Variants in TRIM47 observed in about 807,000 individuals in gnomAD.
TRIM47 encodes the protein tripartite motif containing 47, also known as E3 ubiquitin-protein ligase TRIM47.
A neutral mutation model predicts 54.4 loss-of-function variants in TRIM47; 46 were observed. The observed-to-expected ratio is 0.84, with a 90% confidence interval of 0.67 to 1.08. The LOEUF (loss-of-function observed/expected upper bound fraction) is 1.08. TRIM47 is among the 50% of genes least tolerant of loss of function. The pLI is 0.00. For missense variants in TRIM47, 825 were observed against 910.1 expected (o/e 0.91, Z 1.20); for synonymous variants, 392 against 410.2 (o/e 0.96, Z 0.54).
Position 75,875,141 on chromosome 17 carries a change from A to G in TRIM47, c.1277-18T>C, listed in dbSNP as rs201368471. 1.0e-3 allele frequency: 1,641 copies of G among 1,570,744 alleles called. 16 individuals are homozygous for G. The Middle Eastern group carries it at 0.027, about 26-fold the overall frequency. On this transcript the variant is annotated intron_variant, in intron 5 of 5. Transcript: ENST00000254816. The surrounding 1 kb of genome is among the most constrained non-coding windows in gnomAD (Gnocchi z 6.1). ...ATAGGCAACTGATCCCGTGGACAGA[A>G]GAGAGAGGCAGGGCTCAGGGCCAGG...
At position 75,875,867 on chromosome 17, in the gene TRIM47, G is replaced by A. The variant is rs754316774; in HGVS notation, c.1201+34C>T. 5 of 1,599,648 alleles carry A rather than the reference G, an allele frequency of 3.1e-6. No homozygotes were observed. Among genetic ancestry groups the A allele is most frequent in the Non-Finnish European group, 3.4e-6 (4 of 1,174,132 alleles). On this transcript the variant is annotated intron_variant, in intron 4 of 5. Coordinates refer to ENST00000254816, the MANE Select transcript of TRIM47 (RefSeq NM_033452.3). This position sits in a 1 kb window ranked among gnomAD's most constrained non-coding sequence, Gnocchi z 6.1. ...GGCCTGTGCGAGAGGCTGGCAGAGG[G>A]TGAGTCATCGGGGGGGCGTGGGGCG...
At position 75,876,769 on chromosome 17, in the gene TRIM47, G is replaced by A. The variant is rs145647571; in HGVS notation, c.720C>T (p.Asp240=). The change falls in exon 2 of 6, where the codon GAC becomes GAT. Residue 240 remains aspartate (D), a synonymous_variant. Transcript: ENST00000254816. ...KVLSAVEDRM[D]ELGAGIAQSR... ...ACTGTGCAATGCCAGCACCCAGCTC[G>A]TCCATGCGGTCCTCCACGGCGCTCA... is the stretch of plus-strand genomic sequence containing the variant. 5.7e-4 allele frequency: 924 copies of A among 1,614,180 alleles called. 7 individuals carry two copies. In the African/African-American group the frequency reaches 9.8e-3, roughly 17 times the overall value.
Position 75,876,088 on chromosome 17 carries a change from T to A in TRIM47, c.1014A>T (p.Ala338=). 1 of 1,600,872 alleles carries A rather than the reference T, an allele frequency of 6.2e-7. No individual in the cohort carries two copies. The highest frequency in any genetic ancestry group is 8.5e-7 in the Non-Finnish European group (1 of 1,179,874). ...ACCCATCCTCCAGGGCCAGCCTTAG[T>A]GCCAGCAGCTCCTGTGCCAGACAAA... ...DSVSFLQELL[A]LRLALEDGCG... The change falls in exon 4 of 6, where the codon GCA becomes GCT. Residue 338 remains alanine (A), a synonymous_variant. Coordinates refer to ENST00000254816, the MANE Select transcript of TRIM47 (RefSeq NM_033452.3).
chr17:75,875,550 C>T lies in TRIM47; in HGVS notation c.1202-76G>A. ...AACCTGTGACTACAATCCCTACCCC[C>T]TTCACTTCCTCCCAGAGTCCAGAGC... On this transcript the variant is annotated intron_variant, in intron 4 of 5. Transcript: ENST00000254816. This position sits in a 1 kb window ranked among gnomAD's most constrained non-coding sequence, Gnocchi z 6.1. 1.5e-6 allele frequency: 2 copies of T among 1,345,496 alleles called. No homozygotes were observed. The highest frequency in any genetic ancestry group is 2.9e-5 in the African/African-American group (2 of 69,582). 83.3% of individuals were successfully genotyped at this position (1,345,496 alleles called of 1,614,324 possible). A position where few individuals can be genotyped will look rare whatever the true frequency, so the allele number is the denominator to read the frequency against.
Position 75,875,090 on chromosome 17 carries a change from G to A in TRIM47, c.1310C>T (p.Ala437Val), listed in dbSNP as rs930521522. The A allele has an allele frequency of 6.9e-6, 11 of 1,605,286 alleles. No individual in the cohort carries two copies. Among genetic ancestry groups the A allele is most frequent in the Middle Eastern group, 1.7e-4 (1 of 6,058 alleles). The change falls in exon 6 of 6, where the codon GCA (alanine) becomes GTA (valine). Residue 437 changes from alanine to valine, a missense_variant. By Grantham distance (64) the Ala-to-Val change is moderately conservative. Transcript: ENST00000254816. The surrounding 1 kb of genome is among the most constrained non-coding windows in gnomAD (Gnocchi z 6.1). ...TCCAAACAGCTGCAGGAACTTGTCT[G>A]CTGTGTCGCTGTCCAAATCCACAAT... ...AYIVDLDSDT[A>V]DKFLQLFGTK...
At chr17:75,877,069 AGG>A (rs2065140075) in intron 1 of TRIM47, 4 of 527,846 alleles carry the variant, frequency 7.6e-6, no homozygotes, top group Admixed American at 6.2e-5. Context: ...GGCCTAGTAC[AGG>A]GCCGTCCGCT....
At position 75,875,894 on chromosome 17, in the gene TRIM47, T is replaced by C. The variant is rs1198763907; in HGVS notation, c.1201+7A>G. Reference sequence around the variant, plus strand: ...GAGTCATCGGGGGGGCGTGGGGCGGTGCCCACCTTCCGAGTCCAGCTTCTG... The same window carrying C: ...GAGTCATCGGGGGGGCGTGGGGCGGCGCCCACCTTCCGAGTCCAGCTTCTG... On this transcript the variant is annotated splice_region_variant and intron_variant, in intron 4 of 5. Transcript: ENST00000254816. The surrounding 1 kb of genome is among the most constrained non-coding windows in gnomAD (Gnocchi z 6.1). 1 of 1,609,136 alleles carries C rather than the reference T, an allele frequency of 6.2e-7. No homozygotes were observed. The highest frequency in any genetic ancestry group is 8.5e-7 in the Non-Finnish European group (1 of 1,178,966).
In TRIM47 at chr17:75,874,972, G is replaced by A. The variant is rs1218750308; in HGVS notation, c.1428C>T (p.Ala476=). Residue 476 remains alanine (A), a synonymous_variant, in exon 6 of 6, where the codon GCC becomes GCT. Transcript: ENST00000254816. This position sits in a 1 kb window ranked among gnomAD's most constrained non-coding sequence, Gnocchi z 6.2. The part of the protein sequence containing the change: ...THCEQVLGEG[A]LDRGTYYWEV... ...CCCAGTAGTAGGTGCCTCGGTCCAG[G>A]GCACCCTCGCCCAGCACCTGCTCAC... is the stretch of plus-strand genomic sequence containing the variant. 6.2e-7 allele frequency: 1 copy of A among 1,613,964 alleles called. No homozygotes were observed. The highest frequency in any genetic ancestry group is 1.3e-5 in the African/African-American group (1 of 74,894).
At chr17:75,876,581 G>A (rs537924304) in intron 2 of TRIM47, 89 bp from the exon 3 acceptor site, 15 of 1,504,662 alleles carry the variant, frequency 1.0e-5, no homozygotes, top group African/African-American at 1.4e-5. Flanking sequence ...GCTTCCCACC[G>A]GCCCTCTTGA....
rs747511869 is a variant in TRIM47, at chr17:75,876,704, G to A, written c.771+14C>T. 17 of 1,613,706 alleles carry A rather than the reference G, an allele frequency of 1.1e-5. No individual in the cohort carries two copies. The African/African-American group carries it at 2.3e-4, about 22-fold the overall frequency. Reference sequence around the variant, plus strand: ...TGGAGTGGATTGTTCCATGCTGAGGGAGGGGTGTTTGACCTTGATGAGGGC... The same window carrying A: ...TGGAGTGGATTGTTCCATGCTGAGGAAGGGGTGTTTGACCTTGATGAGGGC... On this transcript the variant is annotated intron_variant, in intron 2 of 5. Transcript: ENST00000254816.
chr17:75,877,667 G>C (rs1235220379), intron 1 of TRIM47: 1 of 1,231,762 alleles, frequency 8.1e-7, no homozygotes, highest in African/African-American at 1.6e-5. Context: ...TCCTTGTCCT[G>C]TTCTCACGTC....
chr17:75,876,530 A>AG (rs2065136173), intron 2 of TRIM47, 38 bp from the exon 3 acceptor site: 3 of 1,549,334 alleles, frequency 1.9e-6, no homozygotes, highest in Non-Finnish European at 2.6e-6. Flanking sequence ...ATGAGGGCAA[A>AG]GAACCGTCCC....
At chr17:75,877,007 G>A in intron 1 of TRIM47, 194 bp from the exon 2 acceptor site, 2 of 600,422 alleles carry the variant, frequency 3.3e-6, no homozygotes, top group South Asian at 2.0e-5. Flanking sequence ...TTTCCTGAAC[G>A]CCTGGGGGGC....
chr17:75,877,638 C>A (rs2065143369), intron 1 of TRIM47: 1 of 1,218,328 alleles, frequency 8.2e-7, no homozygotes, highest in East Asian at 3.2e-5. Flanking sequence ...GGCTTCAGGT[C>A]CCCTGCCCGC....
In TRIM47 at chr17:75,878,223, G is replaced by A. The variant is rs1256403031; in HGVS notation, c.326C>T (p.Pro109Leu). 2.4e-6 allele frequency: 3 copies of A among 1,230,930 alleles called. No individual in the cohort carries two copies. The highest frequency in any genetic ancestry group is 1.6e-5 in the African/African-American group (1 of 63,840). The allele number at this position is 1,230,930 out of a possible 1,614,324, so 76.3% of individuals were successfully genotyped here. The change falls in exon 1 of 6, where the codon CCG becomes CTG. Residue 109 changes from proline (P) to leucine (L), a missense_variant. Pro to Leu is a moderately conservative substitution (Grantham distance 98, BLOSUM62 -3). Coordinates refer to ENST00000254816, the MANE Select transcript of TRIM47 (RefSeq NM_033452.3). ...PSAPSALPSV[P>L]EPSAPCAPEP... ...GGGAGCGCAGGGGGCCGACGGCTCC[G>A]GGACACTGGGCAGCGCGCTGGGTGC...
chr17:75,876,912 G>C (rs977261176), intron 1 of TRIM47, 99 bp from the exon 2 acceptor site: 23 of 1,167,840 alleles, frequency 2.0e-5, no homozygotes, highest in Non-Finnish European at 2.7e-5. Context: ...GGTGACTGGG[G>C]AGTGGTATCT....
At position 75,875,018 on chromosome 17, in the gene TRIM47, G is replaced by A. The variant is rs750644989; in HGVS notation, c.1382C>T (p.Ser461Leu). Residue 461 changes from serine to leucine, a missense_variant, in exon 6 of 6, where the codon TCG (serine) becomes TTG (leucine). By Grantham distance (145) the Ser-to-Leu change is moderately radical (BLOSUM62 -2). Transcript: ENST00000254816. This position sits in a 1 kb window ranked among gnomAD's most constrained non-coding sequence, Gnocchi z 6.1. ...RVLCPINYPL[S>L]PTRFTHCEQV... ...CTCACAATGGGTGAAGCGGGTGGGC[G>A]ACAAGGGGTAGTTGATAGGACACAG... The A allele has an allele frequency of 1.2e-5, 19 of 1,614,010 alleles. No individual in the cohort carries two copies. The highest frequency in any genetic ancestry group is 8.3e-5 in the Admixed American group (5 of 59,990).
Position 75,874,506 on chromosome 17 carries a change from T to C in TRIM47, c.1894A>G (p.Ile632Val), listed in dbSNP as rs769920914. Residue 632 changes from isoleucine (I) to valine (V), a missense_variant, in exon 6 of 6, where the codon ATA (isoleucine) becomes GTA (valine). Coordinates refer to ENST00000254816, the MANE Select transcript of TRIM47 (RefSeq NM_033452.3). This position sits in a 1 kb window ranked among gnomAD's most constrained non-coding sequence, Gnocchi z 6.2. Reference sequence around the variant, plus strand: ...CATCACCTCCTCTTCAGCACGGATATGCAGGACTTCTTGAGGGGCCCGATC... The same window carrying C: ...CATCACCTCCTCTTCAGCACGGATACGCAGGACTTCTTGAGGGGCCCGATC... ...LQIGPLKKSC[I>V]SVLKRR 28 of 1,511,242 alleles carry C rather than the reference T, an allele frequency of 1.9e-5. No homozygotes were observed. The highest frequency in any genetic ancestry group is 1.8e-6 in the Non-Finnish European group (2 of 1,129,880). 93.6% of individuals were successfully genotyped at this position (1,511,242 alleles called of 1,614,324 possible).
In TRIM47 at chr17:75,876,483, C is replaced by G. The variant is rs766166934; in HGVS notation, c.781G>C (p.Val261Leu). The G allele has an allele frequency of 1.2e-6, 2 of 1,604,468 alleles. No individual in the cohort carries two copies. The highest frequency in any genetic ancestry group is 2.7e-5 in the African/African-American group (2 of 74,966). The change falls in exon 3 of 6, where the codon GTA (valine) becomes CTA (leucine). Residue 261 changes from valine to leucine, a missense_variant. Coordinates refer to ENST00000254816, the MANE Select transcript of TRIM47 (RefSeq NM_033452.3). ...RTVALIKSAA[V>L]AERERVSRLF... ...CGGCTCACCCTCTCCCGCTCTGCTA[C>G]GGCTGCACTCTGCACAGGACGACAG...
Sources: gnomAD v4.1 joint callset for allele counts on GRCh38, gnomAD v4.1.1 for gene constraint, Gnocchi (gnomAD v3.1) non-coding constraint, MANE v1.5 for transcripts, NCBI Gene and HGNC (gene_info 2026-07-23, HGNC 2026-07-21) for gene names.